DCC: variants seen among roughly 807,000 people sequenced by gnomAD.
The protein encoded by DCC is netrin receptor DCC.
In DCC, 58 loss-of-function variants were observed where a neutral mutation model predicts 172.5. The observed-to-expected ratio is 0.34, with a 90% CI of 0.27 to 0.42. The LOEUF (loss-of-function observed/expected upper bound fraction) is 0.42. Ranked by LOEUF, DCC falls within the 10% of genes least tolerant of loss-of-function variation. DCC has a pLI of 1.00. For missense variants in DCC, 1,740 were observed against 1,791.0 expected, an observed-to-expected ratio of 0.97 and a Z score of 0.51; for synonymous variants, 709 against 644.5, an observed-to-expected ratio of 1.10 and a Z score of -1.52.
intron 27 of DCC, among the ~76,000 whole-genome samples, chr18:53,510,027 C>CTTAT (rs1555680992): frequency 4.6e-5 from 7 of 152,194 alleles, no homozygotes; most frequent in Admixed American, 4.6e-4. Flanking sequence ...GCAACAATCT[C>CTTAT]TTATTTTTAT....
intron 5 of DCC, among the ~76,000 whole-genome samples, chr18:52,970,595 T>G (rs1374320240): frequency 6.6e-6 from 1 of 152,198 alleles, no homozygotes; most frequent in African/African-American, 2.4e-5. Flanking sequence ...TAAAGACTAC[T>G]CAAAGCATTG....
chr18:53,101,583 A>C (rs552038501), intron 7 of DCC, among the ~76,000 whole-genome samples: 1 of 152,268 alleles, frequency 6.6e-6, no homozygotes, highest in East Asian at 1.9e-4. Context: ...ATTTGTTCAA[A>C]ATATTTGATT....
chr18:53,318,094 T>C (rs537535347), intron 13 of DCC, among the ~76,000 whole-genome samples: 33 of 152,238 alleles, frequency 2.2e-4, no homozygotes, highest in Non-Finnish European at 2.9e-4. Flanking sequence ...TTGAGATCTT[T>C]CCTGCTTTCT....
intron 1 of DCC, among the ~76,000 whole-genome samples, chr18:52,485,060 A>G (rs532412864): frequency 6.6e-6 from 1 of 152,188 alleles, no homozygotes; most frequent in South Asian, 2.1e-4. Context: ...TAAGACTTGG[A>G]GCATGAAGGA....
At chr18:52,685,750 T>C (rs1438217640) in intron 1 of DCC, among the ~76,000 whole-genome samples, 3 of 152,136 alleles carry the variant, frequency 2.0e-5, no homozygotes, top group East Asian at 1.9e-4. Flanking sequence ...GTTCAAGTAC[T>C]ATTATATTTT....
At chr18:52,642,241 C>T (rs188393662) in intron 1 of DCC, among the ~76,000 whole-genome samples, 6 of 151,802 alleles carry the variant, frequency 4.0e-5, no homozygotes, top group African/African-American at 1.5e-4. Context: ...AAACATCATA[C>T]GTTCTCACTC....
At chr18:52,725,818 G>C (rs909320312) in intron 1 of DCC, among the ~76,000 whole-genome samples, 2 of 152,160 alleles carry the variant, frequency 1.3e-5, no homozygotes, top group Non-Finnish European at 2.9e-5. Context: ...TATCAGTATA[G>C]ATCAGTTCAC....
intron 1 of DCC, among the ~76,000 whole-genome samples, chr18:52,719,311 A>G (rs1487923746): frequency 6.6e-6 from 1 of 152,002 alleles, no homozygotes; most frequent in Non-Finnish European, 1.5e-5. Flanking sequence ...TATTCAAACT[A>G]TTGCCAACAC....
chr18:52,750,671 A>T (rs2036980783), intron 1 of DCC, among the ~76,000 whole-genome samples: 1 of 152,198 alleles, frequency 6.6e-6, no homozygotes, highest in African/African-American at 2.4e-5. Context: ...AACCGTAAGA[A>T]GCTGTTCTGC....
At chr18:52,745,459 A>G (rs1411587482) in intron 1 of DCC, among the ~76,000 whole-genome samples, 1 of 152,030 alleles carries the variant, frequency 6.6e-6, no homozygotes, top group African/African-American at 2.4e-5. Context: ...TTGGGTAGGT[A>G]TGGGGCAGGG....
chr18:53,174,401 A>G (rs1210315685), intron 8 of DCC, among the ~76,000 whole-genome samples: 1 of 151,660 alleles, frequency 6.6e-6, no homozygotes, highest in Non-Finnish European at 1.5e-5. Flanking sequence ...GTTTTTTGAA[A>G]GGATCAACCA....
At chr18:52,546,529 C>G (rs879722300) in intron 1 of DCC, among the ~76,000 whole-genome samples, 2 of 152,066 alleles carry the variant, frequency 1.3e-5, no homozygotes, top group Admixed American at 1.3e-4. Flanking sequence ...GACTCATAGC[C>G]TAGCATGGTA....
intron 17 of DCC, 64 bp from the exon 18 acceptor site, chr18:53,397,244 T>A: frequency 6.8e-7 from 1 of 1,460,214 alleles, no homozygotes; most frequent in Non-Finnish European, 9.6e-7. Flanking sequence ...TCTTTTTATA[T>A]GTCTTGATTT....
At chr18:53,458,573 T>C (rs983771618) in intron 23 of DCC, among the ~76,000 whole-genome samples, 17 of 152,238 alleles carry the variant, frequency 1.1e-4, no homozygotes, top group African/African-American at 4.1e-4. Flanking sequence ...TGTTAAAGCC[T>C]TATTGAGGCA....
chr18:53,402,742 T>C (rs752971906), intron 18 of DCC, 44 bp from the exon 19 acceptor site: 2 of 1,334,922 alleles, frequency 1.5e-6, no homozygotes, highest in Non-Finnish European at 2.2e-6. Flanking sequence ...GTTTATTTTC[T>C]TTCACATCCA....
At chr18:53,469,551 A>G (rs999025600) in intron 25 of DCC, among the ~76,000 whole-genome samples, 1 of 152,130 alleles carries the variant, frequency 6.6e-6, no homozygotes, top group African/African-American at 2.4e-5. Flanking sequence ...CCTTCCATCA[A>G]ATCTAATTGA....
At chr18:52,932,836 C>T (rs1313549640) in intron 5 of DCC, among the ~76,000 whole-genome samples, 1 of 151,376 alleles carries the variant, frequency 6.6e-6, no homozygotes, top group Non-Finnish European at 1.5e-5. Context: ...AATACATGCA[C>T]TTACTCTCTA....
intron 5 of DCC, among the ~76,000 whole-genome samples, chr18:53,054,384 A>C (rs181431547): frequency 6.6e-6 from 1 of 152,254 alleles, no homozygotes; most frequent in African/African-American, 2.4e-5. Context: ...AGGCTCACAC[A>C]CACACGCAAG....
chr18:52,350,469 A>G (rs1984070521), intron 1 of DCC, among the ~76,000 whole-genome samples: 1 of 152,114 alleles, frequency 6.6e-6, no homozygotes, highest in Non-Finnish European at 1.5e-5. Context: ...TGGGAGGTGA[A>G]CAATGAGAAC....
Sources: gnomAD v4.1 joint callset for allele counts (sites outside exome capture counted in the v4.1 genomes callset) on GRCh38, gnomAD v4.1.1 for gene constraint, MANE v1.5 for transcripts, NCBI Gene and HGNC (gene_info 2026-07-23, HGNC 2026-07-21) for gene names.